The following HDAC4 variants were observed in gnomAD, a reference collection of about 807,000 sequenced individuals.
HDAC4 encodes histone deacetylase 4, also known as histone deacetylase A.
HDAC4 carries 16 observed loss-of-function variants against 135.1 expected under a neutral mutation model. The observed-to-expected ratio is 0.12, with a 90% CI of 0.08 to 0.18. The LOEUF is 0.18. Among genes scored for constraint, HDAC4 ranks in the 10% least tolerant of loss-of-function variants. The pLI, the probability that HDAC4 is intolerant of heterozygous loss-of-function variation, is 1.00. For missense variants in HDAC4, 1,143 were observed against 1,511.8 expected, an observed-to-expected ratio of 0.76 and a Z score of 4.05; for synonymous variants, 685 against 653.4, an observed-to-expected ratio of 1.05 and a Z score of -0.74.
chr2:239,289,919 C>T (rs1004218688), intron 2 of HDAC4, among the ~76,000 whole-genome samples: 1 of 152,250 alleles, frequency 6.6e-6, no homozygotes, highest in Admixed American at 6.5e-5. Flanking sequence ...TGGTTCACCA[C>T]TTCCTAAATT....
At chr2:239,187,864 T>C (rs1254615191) in intron 4 of HDAC4, among the ~76,000 whole-genome samples, 1 of 152,228 alleles carries the variant, frequency 6.6e-6, no homozygotes, top group African/African-American at 2.4e-5. Context: ...TACACACGGC[T>C]GCTAGGTCGC....
chr2:239,105,031 C>T (rs754256569), intron 15 of HDAC4, among the ~76,000 whole-genome samples: 56 of 152,358 alleles, frequency 3.7e-4, no homozygotes, highest in East Asian at 2.3e-3. Context: ...CAGGCTGTAG[C>T]GTGCAATATT....
intron 6 of HDAC4, chr2:239,162,110 A>G (rs1669736583): frequency 2.2e-6 from 1 of 456,332 alleles, no homozygotes; most frequent in South Asian, 1.5e-5. Context: ...GCTCACCGTG[A>G]CCCCTGCTTC....
At chr2:239,083,605 T>G (rs1574954098) in intron 20 of HDAC4, among the ~76,000 whole-genome samples, 1 of 152,340 alleles carries the variant, frequency 6.6e-6, no homozygotes, top group Middle Eastern at 3.4e-3. Context: ...ATCTTGAATA[T>G]TAATTTCCGG....
At chr2:239,154,303 C>T (rs770289142) in intron 7 of HDAC4, among the ~76,000 whole-genome samples, 1 of 152,066 alleles carries the variant, frequency 6.6e-6, no homozygotes, top group African/African-American at 2.4e-5. Context: ...GTGCCACAGC[C>T]ATCACTCCCA....
Position 239,085,134 on chromosome 2 carries a change from A to G in HDAC4, c.2445-892T>C, listed in dbSNP as rs114994821. The stretch of plus-strand genomic sequence containing the variant: ...GGGAACCCTATTTCACATGTTACCA[A>G]CATTTCCCTCATCTTCACCTGGAAC... On this transcript the variant is annotated intron_variant, in intron 19 of 26. Transcript: ENST00000543185. 3.0e-3 allele frequency among the ~76,000 whole-genome samples: 458 copies of G among 151,944 alleles called. 3 individuals are homozygous for G. Among genetic ancestry groups the G allele is most frequent in the African/African-American group, 0.01 (434 of 41,418 alleles).
rs1433055308 is a variant in HDAC4, at chr2:239,303,964, C to A, written c.22+48714G>T. On this transcript the variant is annotated intron_variant, in intron 2 of 26. Coordinates refer to ENST00000543185, the MANE Select transcript of HDAC4 (RefSeq NM_001378414.1). This position sits in a 1 kb window ranked among gnomAD's most constrained non-coding sequence, Gnocchi z 5.1. The stretch of plus-strand genomic sequence containing the variant: ...CACCTGCCTCCCAGGCCTCACCAGT[C>A]TTCATCTCAGCCCGCCAGGTCCTCT... Among the ~76,000 whole-genome samples the A allele has an allele frequency of 6.6e-6, 1 of 152,188 alleles. No homozygotes were observed. The highest frequency in any genetic ancestry group is 6.5e-5 in the Admixed American group (1 of 15,284).
chr2:239,114,283 C>A (rs1009109799), intron 13 of HDAC4, among the ~76,000 whole-genome samples: 5 of 152,114 alleles, frequency 3.3e-5, no homozygotes, highest in South Asian at 2.1e-4. Flanking sequence ...AGGGAGGGAA[C>A]GAGCCAGTGG....
At chr2:239,342,735 C>T (rs1242432761) in intron 2 of HDAC4, among the ~76,000 whole-genome samples, 1 of 152,114 alleles carries the variant, frequency 6.6e-6, no homozygotes, top group Non-Finnish European at 1.5e-5. Flanking sequence ...GAGGAGAGTA[C>T]AGTGAGGGCT....
intron 3 of HDAC4, among the ~76,000 whole-genome samples, chr2:239,218,672 T>C (rs1156920378): frequency 1.4e-5 from 2 of 145,296 alleles, no homozygotes; most frequent in Non-Finnish European, 3.0e-5. Flanking sequence ...ACCATCAGAG[T>C]GAACAGGCAA....
chr2:239,174,271 T>C (rs548263428), intron 5 of HDAC4, among the ~76,000 whole-genome samples: 3 of 152,198 alleles, frequency 2.0e-5, no homozygotes, highest in Non-Finnish European at 4.4e-5. Context: ...TTACAGCATG[T>C]ACAACTGGCC....
At chr2:239,233,456 C>T (rs1477503905) in intron 3 of HDAC4, among the ~76,000 whole-genome samples, 1 of 146,778 alleles carries the variant, frequency 6.8e-6, no homozygotes, top group Non-Finnish European at 1.5e-5. Context: ...ATTCCAAAAT[C>T]CGAAAAAAAA....
In HDAC4 at chr2:239,115,242, G is replaced by C; in HGVS notation, c.1602C>G (p.Leu534=). 6.2e-7 allele frequency: 1 copy of C among 1,612,846 alleles called. No homozygotes were observed. Among genetic ancestry groups the C allele is most frequent in the Non-Finnish European group, 8.5e-7 (1 of 1,179,718 alleles). The change falls in exon 13 of 27, where the codon CTC becomes CTG. Residue 534 remains leucine, a synonymous_variant. Coordinates refer to ENST00000543185, the MANE Select transcript of HDAC4 (RefSeq NM_001378414.1). The surrounding 1 kb of genome is among the most constrained non-coding windows in gnomAD (Gnocchi z 6.3). ...ESHPEETEEE[L]REHQALLDEP... is the part of the protein sequence containing the mutation. ...CGTCCAGCAGAGCCTGGTGCTCACG[G>C]AGCTCCTCCTCCGTCTCCTCCGGGT... is the stretch of plus-strand genomic sequence containing the variant.
intron 21 of HDAC4, 95 bp downstream of exon 21, chr2:239,082,007 G>A: frequency 7.2e-7 from 1 of 1,391,318 alleles, no homozygotes; most frequent in Admixed American, 1.7e-5. Context: ...CGCACTCACT[G>A]CTGCCGGGCA....
intron 3 of HDAC4, among the ~76,000 whole-genome samples, chr2:239,218,031 G>A (rs1336755881): frequency 6.6e-6 from 1 of 152,176 alleles, no homozygotes; most frequent in African/African-American, 2.4e-5. Context: ...GGTAGAGGCT[G>A]CAGTGAGCCA....
chr2:239,095,540 AC>A (rs2036938211), intron 16 of HDAC4, among the ~76,000 whole-genome samples: 1 of 151,968 alleles, frequency 6.6e-6, no homozygotes, highest in Non-Finnish European at 1.5e-5. Context: ...GGCCTCTTAG[AC>A]CCTGAGATCC....
intron 1 of HDAC4, among the ~76,000 whole-genome samples, chr2:239,397,908 T>C (rs1031534152): frequency 2.0e-5 from 3 of 152,170 alleles, no homozygotes; most frequent in African/African-American, 7.2e-5. Context: ...GCAGGGCATA[T>C]GCTGACCACC....
chr2:239,076,104 C>T (rs1412634004), intron 22 of HDAC4, among the ~76,000 whole-genome samples: 7 of 152,122 alleles, frequency 4.6e-5, no homozygotes, highest in African/African-American at 2.4e-5. Context: ...CCTCAGCTTC[C>T]GGGGAAACAA....
intron 2 of HDAC4, among the ~76,000 whole-genome samples, chr2:239,324,658 G>A (rs536483280): frequency 6.6e-6 from 1 of 152,174 alleles, no homozygotes; most frequent in African/African-American, 2.4e-5. Flanking sequence ...AGGCACCACA[G>A]CTCACAGCAC....
Sources: allele counts gnomAD v4.1 joint callset (sites outside exome capture counted in the v4.1 genomes callset), GRCh38; gene constraint gnomAD v4.1.1; non-coding constraint Gnocchi (gnomAD v3.1); transcripts MANE v1.5; gene names NCBI Gene and HGNC (gene_info 2026-07-23, HGNC 2026-07-21).